The following SSX2IP variants were observed in gnomAD, a reference collection of about 807,000 sequenced individuals.
SSX2IP encodes the protein afadin- and alpha-actinin-binding protein.
SSX2IP carries 55 observed loss-of-function variants against 84.9 expected under a neutral mutation model. The observed-to-expected ratio is 0.65, with a 90% CI of 0.52 to 0.81. The LOEUF (loss-of-function observed/expected upper bound fraction) is 0.81. Ranked by LOEUF, SSX2IP falls within the 30% of genes least tolerant of loss-of-function variation. The probability of loss-of-function intolerance (pLI) is 0.00; values close to 1 mark genes in which losing one functional copy is unlikely to be tolerated. For missense variants in SSX2IP, 664 were observed against 705.2 expected (o/e 0.94, Z 0.66); for synonymous variants, 239 against 234.7 (o/e 1.02, Z -0.17).
chr1:84,683,941 G>C (rs1270207286), intron 1 of SSX2IP, among the ~76,000 whole-genome samples: 4 of 152,088 alleles, frequency 2.6e-5, no homozygotes, highest in Admixed American at 2.6e-4. Context: ...AGAAAAAAAA[G>C]AGGCACTTTT....
rs1649193472 is a variant in SSX2IP at position 84,643,808 on chromosome 1, G to A, written c.*3625C>T. 6.6e-6 allele frequency: 1 copy of A among 152,022 alleles called. No individual in the cohort carries two copies. Among genetic ancestry groups the A allele is most frequent in the Admixed American group, 6.6e-5 (1 of 15,266 alleles). 9.4% of individuals were successfully genotyped at this position (152,022 alleles called of 1,614,324 possible). A position where few individuals can be genotyped will look rare whatever the true frequency, so the allele number is the denominator to read the frequency against. Reference sequence around the variant, plus strand: ...GAAGCTCAAATATATGAATGAGGTGGATCTTTATCAGGAGCTTCATATGTC... The same window carrying A: ...GAAGCTCAAATATATGAATGAGGTGAATCTTTATCAGGAGCTTCATATGTC... On this transcript the variant is annotated 3_prime_UTR_variant, in exon 14 of 14. Coordinates refer to ENST00000342203, the MANE Select transcript of SSX2IP (RefSeq NM_001166293.2).
intron 4 of SSX2IP, among the ~76,000 whole-genome samples, chr1:84,669,002 A>G (rs975400560): frequency 2.0e-5 from 3 of 152,118 alleles, no homozygotes; most frequent in Admixed American, 1.3e-4. Context: ...TATAAGTCCC[A>G]ACCACCCCAC....
intron 12 of SSX2IP, among the ~76,000 whole-genome samples, chr1:84,651,509 CCT>C: frequency 6.6e-6 from 1 of 152,026 alleles, no homozygotes; most frequent in Non-Finnish European, 1.5e-5. Flanking sequence ...GGGTGGATCA[CCT>C]GAGGTCAGGA....
chr1:84,663,979 C>A (rs1652408942), intron 6 of SSX2IP, among the ~76,000 whole-genome samples: 1 of 152,152 alleles, frequency 6.6e-6, no homozygotes, highest in Non-Finnish European at 1.5e-5. Context: ...ATCCTTTTGA[C>A]TAGCTGCTCC....
At chr1:84,665,591 A>G (rs747486218) in intron 5 of SSX2IP, among the ~76,000 whole-genome samples, 25 of 151,908 alleles carry the variant, frequency 1.6e-4, no homozygotes, top group Middle Eastern at 3.4e-3. Flanking sequence ...AGTAACCACT[A>G]AAGTAGAAAT....
chr1:84,670,940 C>T, intron 2 of SSX2IP, 125 bp from the exon 3 acceptor site: 1 of 802,202 alleles, frequency 1.2e-6, no homozygotes, highest in South Asian at 2.4e-5. Context: ...TATATACATA[C>T]ATATTTTAAG....
chr1:84,676,637 C>T (rs1033171096), intron 1 of SSX2IP, among the ~76,000 whole-genome samples: 1 of 149,516 alleles, frequency 6.7e-6, no homozygotes, highest in East Asian at 2.0e-4. Flanking sequence ...TCAGAGAGAT[C>T]AACAGGTTTG....
intron 1 of SSX2IP, among the ~76,000 whole-genome samples, chr1:84,686,653 A>G (rs991891311): frequency 6.6e-6 from 1 of 152,216 alleles, no homozygotes. Flanking sequence ...GAACATCAAC[A>G]TAAGCGAGTG....
Position 84,645,471 on chromosome 1 carries a change from G to T in SSX2IP, c.*1962C>A, listed in dbSNP as rs772201018. The T allele has an allele frequency of 3.3e-5, 5 of 152,090 alleles. No individual in the cohort carries two copies. The highest frequency in any genetic ancestry group is 7.4e-5 in the Non-Finnish European group (5 of 68,022). The allele number at this position is 152,090 out of a possible 1,614,324, so 9.4% of individuals were successfully genotyped here. ...CAAGGAATCTTTCTTTCCAATTTGAGAACTCAACTCACTTTAAAATGGAAA... is the reference window on the plus strand; with the variant it reads ...CAAGGAATCTTTCTTTCCAATTTGATAACTCAACTCACTTTAAAATGGAAA... On this transcript the variant is annotated 3_prime_UTR_variant, in exon 14 of 14. Transcript: ENST00000342203.
chr1:84,687,163 T>C (rs774644789), intron 1 of SSX2IP, among the ~76,000 whole-genome samples: 4 of 152,162 alleles, frequency 2.6e-5, no homozygotes, highest in Non-Finnish European at 4.4e-5. Context: ...CCTTCATAAA[T>C]GCGACAACCA....
intron 9 of SSX2IP, among the ~76,000 whole-genome samples, chr1:84,657,082 T>G (rs1448176876): frequency 6.6e-6 from 1 of 152,180 alleles, no homozygotes; most frequent in East Asian, 1.9e-4. Flanking sequence ...CTTAACACAA[T>G]GGCACTGAGT....
chr1:84,662,836 A>G (rs1320727072), intron 6 of SSX2IP, among the ~76,000 whole-genome samples: 1 of 152,226 alleles, frequency 6.6e-6, no homozygotes, highest in East Asian at 1.9e-4. Context: ...TGAACACAGT[A>G]TCTGGCGCAC....
At chr1:84,687,795 CA>C (rs1273727734) in intron 1 of SSX2IP, among the ~76,000 whole-genome samples, 1 of 152,182 alleles carries the variant, frequency 6.6e-6, no homozygotes, top group East Asian at 1.9e-4. Context: ...TCAATGTTCA[CA>C]GCACTGTTCT....
At chr1:84,657,629 T>C (rs1354607583) in intron 9 of SSX2IP, among the ~76,000 whole-genome samples, 1 of 152,124 alleles carries the variant, frequency 6.6e-6, no homozygotes, top group Non-Finnish European at 1.5e-5. Flanking sequence ...AATAAGATCT[T>C]TAGTGGTGAT....
chr1:84,658,801 G>C (rs1651502449), intron 8 of SSX2IP, among the ~76,000 whole-genome samples: 1 of 152,306 alleles, frequency 6.6e-6, no homozygotes, highest in East Asian at 1.9e-4. Flanking sequence ...GAAAACCGAG[G>C]TTTAGAGAAG....
At chr1:84,676,871 T>C (rs576288892) in intron 1 of SSX2IP, among the ~76,000 whole-genome samples, 50 of 151,942 alleles carry the variant, frequency 3.3e-4, no homozygotes, top group Non-Finnish European at 5.6e-4. Context: ...TACAGGCGGA[T>C]GCCTAGCTAA....
intron 5 of SSX2IP, 39 bp from the exon 6 acceptor site, chr1:84,664,591 T>G: frequency 6.7e-7 from 1 of 1,487,500 alleles, no homozygotes; most frequent in South Asian, 1.4e-5. Context: ...CAGTAACGAT[T>G]CACAAATTTG....
intron 1 of SSX2IP, among the ~76,000 whole-genome samples, chr1:84,687,151 A>C (rs932053640): frequency 6.6e-6 from 1 of 152,192 alleles, no homozygotes; most frequent in African/African-American, 2.4e-5. Context: ...TATTGTTATT[A>C]TCCTTCATAA....
chr1:84,645,158 T>A lies in SSX2IP; in HGVS notation c.*2275A>T, dbSNP rs1409455610. 6.6e-6 allele frequency: 1 copy of A among 152,192 alleles called. No individual in the cohort carries two copies. Among genetic ancestry groups the A allele is most frequent in the East Asian group, 1.9e-4 (1 of 5,196 alleles). The allele number at this position is 152,192 out of a possible 1,614,324, so 9.4% of individuals were successfully genotyped here. On this transcript the variant is annotated 3_prime_UTR_variant, in exon 14 of 14. Transcript: ENST00000342203. ...AGAACCATCATCTATCATGGCTAAA[T>A]GTGAGATTAGCACAGCTGTATTATT...
Sources: allele counts gnomAD v4.1 joint callset (sites outside exome capture counted in the v4.1 genomes callset), GRCh38; gene constraint gnomAD v4.1.1; transcripts MANE v1.5; gene names NCBI Gene and HGNC (gene_info 2026-07-23, HGNC 2026-07-21).